The following ESCO2 variants were observed in gnomAD, a reference collection of about 807,000 sequenced individuals.
The protein encoded by ESCO2 is establishment of sister chromatid cohesion N-acetyltransferase 2, also known as N-acetyltransferase ESCO2.
A neutral mutation model predicts 61.7 loss-of-function variants in ESCO2; 51 were observed. That is an observed-to-expected ratio of 0.83 (90% CI 0.66 to 1.04). ESCO2 has a LOEUF of 1.04. Ranked by LOEUF, ESCO2 falls within the 50% of genes least tolerant of loss-of-function variation. The pLI, the probability that ESCO2 is intolerant of heterozygous loss-of-function variation, is 0.00. For missense variants in ESCO2, 692 were observed against 686.2 expected (o/e 1.01, Z -0.09); for synonymous variants, 230 against 238.2 (o/e 0.97, Z 0.32).
At position 27,804,625 on chromosome 8, in the gene ESCO2, A is replaced by G. The variant is rs975847422; in HGVS notation, c.*1187A>G. 2.0e-6 allele frequency: 2 copies of G among 985,308 alleles called. No individual in the cohort carries two copies. Among genetic ancestry groups the G allele is most frequent in the South Asian group, 4.7e-5 (1 of 21,288 alleles). 61.0% of individuals were successfully genotyped at this position (985,308 alleles called of 1,614,324 possible). On this transcript the variant is annotated 3_prime_UTR_variant, in exon 11 of 11. Transcript: ENST00000305188. Reference sequence around the variant, plus strand: ...AAAATCATTCAACTGCTAACTGGCAATAAGACTCTAGGCAAGTCGTTTTCC... The same window carrying G: ...AAAATCATTCAACTGCTAACTGGCAGTAAGACTCTAGGCAAGTCGTTTTCC...
intron 4 of ESCO2, 46 bp downstream of exon 4, chr8:27,780,313 A>G (rs1018709387): frequency 8.9e-7 from 1 of 1,129,914 alleles, no homozygotes; most frequent in Admixed American, 1.7e-5. Flanking sequence ...ATAATGCTTT[A>G]TTACATACAT....
Position 27,788,764 on chromosome 8 carries a change from TTGAA to T in ESCO2, c.1132-76_1132-73del. ...CAGGAAAAAAAAAATTAGGTGAAAT[TTGAA>T]TGAATGGTTATAGGAACTTAATTTA... On this transcript the variant is annotated intron_variant, in intron 6 of 10. Coordinates refer to ENST00000305188, the MANE Select transcript of ESCO2 (RefSeq NM_001017420.3). 4 of 1,566,150 alleles carry T rather than the reference TTGAA, an allele frequency of 2.6e-6. No homozygotes were observed. The East Asian group carries it at 6.8e-5, about 26-fold the overall frequency.
At chr8:27,785,676 G>A (rs552248449) in intron 5 of ESCO2, among the ~76,000 whole-genome samples, 1 of 150,336 alleles carries the variant, frequency 6.7e-6, no homozygotes, top group East Asian at 1.9e-4. Flanking sequence ...CTCCAGCCTG[G>A]GCAACAGAGC....
At chr8:27,773,980 T>C (rs547376598), upstream of ESCO2, among the ~76,000 whole-genome samples, 2 of 152,322 alleles carry the variant, frequency 1.3e-5, no homozygotes, top group African/African-American at 4.8e-5. Flanking sequence ...GCCTTACAGA[T>C]TGTGGTAAGA....
upstream of ESCO2, among the ~76,000 whole-genome samples, chr8:27,772,235 G>C (rs1409739953): frequency 6.6e-6 from 1 of 152,266 alleles, no homozygotes. Context: ...CCCAGGGAGT[G>C]ACGGGACGTC....
At chr8:27,772,086 T>G, upstream of ESCO2, 1 of 191,800 alleles carries the variant, frequency 5.2e-6, no homozygotes, top group Non-Finnish European at 1.1e-5. Context: ...GCGCTTCCCT[T>G]AAGAAAAAGT....
chr8:27,783,449 G>C (rs1224434902), intron 4 of ESCO2, among the ~76,000 whole-genome samples: 1 of 151,886 alleles, frequency 6.6e-6, no homozygotes, highest in Non-Finnish European at 1.5e-5. Context: ...ATTTTTTGTA[G>C]AGCAAAATTT....
intron 4 of ESCO2, among the ~76,000 whole-genome samples, chr8:27,781,516 G>A (rs915619165): frequency 1.4e-5 from 2 of 145,976 alleles, no homozygotes; most frequent in African/African-American, 4.9e-5. Flanking sequence ...AACATCTTAT[G>A]TTATAATACT....
chr8:27,795,813 G>A (rs1244186521), intron 9 of ESCO2, among the ~76,000 whole-genome samples: 1 of 152,156 alleles, frequency 6.6e-6, no homozygotes, highest in Non-Finnish European at 1.5e-5. Context: ...CATGTATTGA[G>A]CCATCCTTGC....
intron 7 of ESCO2, among the ~76,000 whole-genome samples, chr8:27,791,552 T>C (rs1281098974): frequency 6.6e-6 from 1 of 152,200 alleles, no homozygotes; most frequent in African/African-American, 2.4e-5. Flanking sequence ...TTGTCAAGCA[T>C]AAGGGACAAA....
intron 9 of ESCO2, among the ~76,000 whole-genome samples, chr8:27,796,358 C>A (rs1429262908): frequency 3.3e-5 from 5 of 151,966 alleles, no homozygotes; most frequent in Admixed American, 6.6e-5. Context: ...AATTATCTTT[C>A]AAAAAACCAA....
At chr8:27,788,530 T>C (rs928562268) in intron 6 of ESCO2, among the ~76,000 whole-genome samples, 10 of 121,648 alleles carry the variant, frequency 8.2e-5, no homozygotes, top group African/African-American at 3.0e-4. Flanking sequence ...TCTCTTTTTT[T>C]TCCCCCCCCA....
chr8:27,810,911 G>A (rs1331791285), downstream of ESCO2: 7 of 1,175,910 alleles, frequency 6.0e-6, no homozygotes, highest in South Asian at 1.2e-5. Flanking sequence ...ATAATCTTTA[G>A]TGTGAAATGA....
At chr8:27,790,961 C>G (rs1026348778) in intron 7 of ESCO2, among the ~76,000 whole-genome samples, 3 of 152,168 alleles carry the variant, frequency 2.0e-5, no homozygotes, top group Non-Finnish European at 4.4e-5. Flanking sequence ...TCATCCTTCT[C>G]TGTAAAAAAT....
At chr8:27,799,281 G>A (rs963429072) in intron 9 of ESCO2, among the ~76,000 whole-genome samples, 4 of 152,110 alleles carry the variant, frequency 2.6e-5, no homozygotes, top group Admixed American at 6.5e-5. Context: ...TTAAAAGGAA[G>A]AGTCTAATGT....
At position 27,775,552 on chromosome 8, in the gene ESCO2, C is replaced by CTT. The variant is rs1563467826; in HGVS notation, c.40_41dup (p.Leu14PhefsTer2). On this transcript the variant is annotated frameshift_variant, in exon 2 of 11. Coordinates refer to ENST00000305188, the MANE Select transcript of ESCO2 (RefSeq NM_001017420.3). LOFTEE classifies it high-confidence loss of function. The stretch of plus-strand genomic sequence containing the variant: ...ACTCCAAGGAAGAGGAAGCAGGATT[C>CTT]TTTGAAGTGTGACAGGTGAATCTCA... 5 of 1,614,104 alleles carry CTT rather than the reference C, an allele frequency of 3.1e-6. No individual in the cohort carries two copies. Among genetic ancestry groups the CTT allele is most frequent in the Non-Finnish European group, 4.2e-6 (5 of 1,179,992 alleles).
rs768132263 is a variant in ESCO2, at chr8:27,776,831, A to G, written c.523A>G (p.Ile175Val). The G allele has an allele frequency of 1.7e-5, 27 of 1,614,072 alleles. No individual in the cohort carries two copies. The Middle Eastern group carries it at 4.9e-4, about 29-fold the overall frequency. The change falls in exon 3 of 11, where the codon ATT (isoleucine) becomes GTT (valine). Residue 175 changes from isoleucine to valine, a missense_variant. By Grantham distance (29) the Ile-to-Val change is conservative. Coordinates refer to ENST00000305188, the MANE Select transcript of ESCO2 (RefSeq NM_001017420.3). Reference protein sequence around the residue: ...SKQNRVIYKPIVEKENNCHSA... With the variant: ...SKQNRVIYKPVVEKENNCHSA... ...GCAAAATCGAGTGATCTATAAGCCA[A>G]TTGTGGAGAAGGAAAATAATTGTCA...
intron 4 of ESCO2, among the ~76,000 whole-genome samples, chr8:27,783,132 T>C (rs1200047489): frequency 6.6e-6 from 1 of 152,182 alleles, no homozygotes; most frequent in Non-Finnish European, 1.5e-5. Flanking sequence ...TATGCCTACA[T>C]TTTATTGTTA....
chr8:27,801,349 T>A (rs1401661884), intron 10 of ESCO2, among the ~76,000 whole-genome samples: 1 of 152,162 alleles, frequency 6.6e-6, no homozygotes. Flanking sequence ...TTTGGAATAG[T>A]GTTATTCAAG....
Sources: gnomAD v4.1 joint callset for allele counts (sites outside exome capture counted in the v4.1 genomes callset) on GRCh38, gnomAD v4.1.1 for gene constraint, MANE v1.5 for transcripts, NCBI Gene and HGNC (gene_info 2026-07-23, HGNC 2026-07-21) for gene names.